BRAF: variants seen among roughly 807,000 people sequenced by gnomAD.
BRAF encodes B-Raf proto-oncogene, serine/threonine kinase.
Under a neutral mutation model 104.6 loss-of-function variants are expected in BRAF, and 16 were observed. The ratio of observed to expected loss-of-function variants is 0.15; its 90% CI spans 0.10 to 0.23. The LOEUF (loss-of-function observed/expected upper bound fraction) is 0.23, where lower values mean the gene tolerates loss of function less well. Ranked by LOEUF, BRAF falls within the 10% of genes least tolerant of loss-of-function variation. The pLI is 1.00. For synonymous variants in BRAF, 310 were observed against 341.6 expected (o/e 0.91, Z 1.02); for missense variants, 541 against 937.3 (o/e 0.58, Z 5.52).
At chr7:140,714,771 AC>A (rs1795100774), downstream of BRAF, among the ~76,000 whole-genome samples, 1 of 152,204 alleles carries the variant, frequency 6.6e-6, no homozygotes, top group African/African-American at 2.4e-5. Context: ...ACAGTCACTA[AC>A]CAAGTGAGAT....
At chr7:140,849,694 C>T (rs1170321652) in intron 2 of BRAF, among the ~76,000 whole-genome samples, 1 of 152,026 alleles carries the variant, frequency 6.6e-6, no homozygotes, top group African/African-American at 2.4e-5. Context: ...CGCCTGTAGT[C>T]CCAGCTGCTC....
intron 8 of BRAF, among the ~76,000 whole-genome samples, chr7:140,793,876 T>G (rs1391900610): frequency 6.6e-6 from 1 of 152,230 alleles, no homozygotes; most frequent in Non-Finnish European, 1.5e-5. Flanking sequence ...TCCACCCATC[T>G]TGGCCTCCCA....
intron 2 of BRAF, among the ~76,000 whole-genome samples, chr7:140,841,281 T>C (rs779575153): frequency 4.6e-5 from 7 of 152,192 alleles, no homozygotes; most frequent in Non-Finnish European, 1.0e-4. Flanking sequence ...CCCTCATACA[T>C]TGCTGTTAGG....
chr7:140,913,223 T>G (rs1817199515), intron 1 of BRAF, among the ~76,000 whole-genome samples: 1 of 152,080 alleles, frequency 6.6e-6, no homozygotes. Context: ...CCTTTCTGTA[T>G]GTCTAAGGTT....
intron 14 of BRAF, among the ~76,000 whole-genome samples, chr7:140,759,771 T>C (rs773626949): frequency 7.2e-5 from 11 of 152,046 alleles, no homozygotes; most frequent in Non-Finnish European, 1.5e-4. Flanking sequence ...AGACAGTGAG[T>C]AGAAGGGTAA....
At chr7:140,817,284 T>C (rs892305810) in intron 3 of BRAF, among the ~76,000 whole-genome samples, 1 of 152,044 alleles carries the variant, frequency 6.6e-6, no homozygotes, top group Non-Finnish European at 1.5e-5. Flanking sequence ...TATAAAACAC[T>C]GATGCAAGAA....
chr7:140,906,801 T>C (rs144518987), intron 1 of BRAF, among the ~76,000 whole-genome samples: 25 of 152,336 alleles, frequency 1.6e-4, no homozygotes, highest in Non-Finnish European at 2.8e-4. Flanking sequence ...CATAGTTGCT[T>C]CTTTGAAAAA....
intron 2 of BRAF, among the ~76,000 whole-genome samples, chr7:140,842,778 T>C (rs753283755): frequency 3.9e-5 from 6 of 152,210 alleles, no homozygotes; most frequent in Admixed American, 2.0e-4. Context: ...GAGTACTGTA[T>C]CTCATATTTC....
At chr7:140,800,268 A>C in intron 7 of BRAF, 94 bp downstream of exon 7, 1 of 1,584,350 alleles carries the variant, frequency 6.3e-7, no homozygotes, top group Non-Finnish European at 8.6e-7. Flanking sequence ...TTAATTTAAC[A>C]ATTTAAACAT....
At chr7:140,841,584 T>A (rs1053511949) in intron 2 of BRAF, among the ~76,000 whole-genome samples, 1 of 152,192 alleles carries the variant, frequency 6.6e-6, no homozygotes, top group African/African-American at 2.4e-5. Flanking sequence ...TGATACATAC[T>A]ACTACATAAA....
At chr7:140,909,564 A>G (rs577352351) in intron 1 of BRAF, among the ~76,000 whole-genome samples, 2 of 152,342 alleles carry the variant, frequency 1.3e-5, no homozygotes, top group South Asian at 4.1e-4. Flanking sequence ...GGCAGTTACA[A>G]CTGCAGACTG....
intron 3 of BRAF, among the ~76,000 whole-genome samples, chr7:140,814,691 A>G (rs1016305927): frequency 6.8e-6 from 1 of 147,386 alleles, no homozygotes; most frequent in East Asian, 2.0e-4. Flanking sequence ...TAAAATTCAT[A>G]TAATTTATAC....
rs1013668251 is a variant in BRAF, at chr7:140,725,018, T to C, written c.*1476A>G. ...TCTATAAAAACAACTGATGACAGCT[T>C]TCCCACACCCTCCCTCAGTCCTAAT... is the stretch of plus-strand genomic sequence containing the variant. On this transcript the variant is annotated 3_prime_UTR_variant, in exon 20 of 20. Transcript: ENST00000644969. The C allele has an allele frequency of 1.9e-6, 2 of 1,046,906 alleles. No individual in the cohort carries two copies. Among genetic ancestry groups the C allele is most frequent in the Admixed American group, 5.5e-5 (1 of 18,116 alleles). 64.9% of individuals were successfully genotyped at this position (1,046,906 alleles called of 1,614,324 possible). A position where few individuals can be genotyped will look rare whatever the true frequency, so the allele number is the denominator to read the frequency against.
intron 19 of BRAF, chr7:140,734,368 C>A: frequency 7.3e-7 from 1 of 1,371,400 alleles, no homozygotes; most frequent in Non-Finnish European, 9.4e-7. Flanking sequence ...AGAGGCTCTG[C>A]CAATTTTTAG....
At chr7:140,797,594 T>C (rs1299964958) in intron 7 of BRAF, among the ~76,000 whole-genome samples, 1 of 152,188 alleles carries the variant, frequency 6.6e-6, no homozygotes, top group African/African-American at 2.4e-5. Flanking sequence ...AAGATCAGAA[T>C]ATATTTCAGT....
chr7:140,738,616 T>TTTTTG (rs1796640644), intron 18 of BRAF, among the ~76,000 whole-genome samples: 1 of 152,168 alleles, frequency 6.6e-6, no homozygotes, highest in African/African-American at 2.4e-5. Flanking sequence ...TATTTAGATA[T>TTTTTG]TTTTGTTTTG....
At chr7:140,806,889 T>C (rs774116679) in intron 5 of BRAF, among the ~76,000 whole-genome samples, 1 of 152,162 alleles carries the variant, frequency 6.6e-6, no homozygotes, top group African/African-American at 2.4e-5. Context: ...TAATCAATCA[T>C]CTGCTTTAAG....
intron 8 of BRAF, among the ~76,000 whole-genome samples, chr7:140,791,357 T>G (rs562489878): frequency 6.6e-6 from 1 of 152,320 alleles, no homozygotes; most frequent in East Asian, 1.9e-4. Context: ...TAATGGCAAC[T>G]GACACCAACT....
At chr7:140,792,120 T>C (rs376233723) in intron 8 of BRAF, among the ~76,000 whole-genome samples, 1 of 152,188 alleles carries the variant, frequency 6.6e-6, no homozygotes, top group Admixed American at 6.5e-5. Context: ...CCTAAGACTC[T>C]TACCACTAAT....
Sources: gnomAD v4.1 joint callset for allele counts (sites outside exome capture counted in the v4.1 genomes callset) on GRCh38, gnomAD v4.1.1 for gene constraint, MANE v1.5 for transcripts, NCBI Gene and HGNC (gene_info 2026-07-23, HGNC 2026-07-21) for gene names.